Variants in SOX5 observed in about 807,000 individuals in gnomAD.
The protein encoded by SOX5 is SRY-box transcription factor 5.
A neutral mutation model predicts 92.0 loss-of-function variants in SOX5; 9 were observed. That is an observed-to-expected ratio of 0.10 (90% CI 0.06 to 0.17). The LOEUF (loss-of-function observed/expected upper bound fraction) is 0.17. SOX5 is among the 10% of genes least tolerant of loss of function. The pLI, the probability that SOX5 is intolerant of heterozygous loss-of-function variation, is 1.00. For synonymous variants in SOX5, 344 were observed against 336.3 expected (o/e 1.02, Z -0.25); for missense variants, 642 against 944.5 (o/e 0.68, Z 4.20).
At chr12:24,429,190 G>GC (rs774621845) in intron 1 of SOX5, among the ~76,000 whole-genome samples, 21 of 152,036 alleles carry the variant, frequency 1.4e-4, no homozygotes, top group Admixed American at 3.9e-4. Context: ...GGTGGCAGGC[G>GC]CCTGTAGTCC....
At chr12:24,519,359 T>C (rs1950070067) in intron 1 of SOX5, among the ~76,000 whole-genome samples, 1 of 151,788 alleles carries the variant, frequency 6.6e-6, no homozygotes, top group African/African-American at 2.4e-5. Flanking sequence ...TTCAAAATAG[T>C]AAGGGAGCAG....
chr12:24,435,660 C>T (rs1939267838), intron 1 of SOX5, among the ~76,000 whole-genome samples: 1 of 152,166 alleles, frequency 6.6e-6, no homozygotes. Flanking sequence ...AATTAAACAA[C>T]TTGACAAGTG....
rs557285391 is a variant in SOX5, at chr12:23,808,350, T to C, written c.481+37633A>G. On this transcript the variant is annotated intron_variant, in intron 3 of 14. Transcript: ENST00000451604. ...TAAGTTTTGTATATTCCCTTAGTTT[T>C]TCATGACACTCTCTTCCAATGTAAG... is the stretch of plus-strand genomic sequence containing the variant. 1.3e-3 allele frequency among the ~76,000 whole-genome samples: 198 copies of C among 152,234 alleles called. 1 individual carries two copies. Among genetic ancestry groups the C allele is most frequent in the African/African-American group, 4.6e-3 (190 of 41,544 alleles).
chr12:23,975,703 T>A (rs1948819216), intron 4 of SOX5, among the ~76,000 whole-genome samples: 2 of 152,168 alleles, frequency 1.3e-5, no homozygotes. Flanking sequence ...ATAATAATTA[T>A]ATCTGCTTGT....
chr12:24,059,453 G>T (rs191998299), intron 4 of SOX5, among the ~76,000 whole-genome samples: 4 of 152,224 alleles, frequency 2.6e-5, no homozygotes, highest in East Asian at 3.9e-4. Flanking sequence ...CCAAGGTTTG[G>T]TTTTTTTAAT....
At chr12:24,094,598 T>C (rs1945100321) in intron 4 of SOX5, among the ~76,000 whole-genome samples, 1 of 152,128 alleles carries the variant, frequency 6.6e-6, no homozygotes, top group Non-Finnish European at 1.5e-5. Context: ...TTTTTGACAG[T>C]AAGATTTTTA....
intron 4 of SOX5, among the ~76,000 whole-genome samples, chr12:24,004,586 T>C (rs1044597673): frequency 2.0e-5 from 3 of 152,088 alleles, no homozygotes; most frequent in South Asian, 2.1e-4. Context: ...ACACTCACAA[T>C]GGTGGCCATA....
Position 23,976,745 on chromosome 12 carries a change from T to C in SOX5, c.-1-80721A>G, listed in dbSNP as rs548745940. On this transcript the variant is annotated intron_variant, in intron 4 of 4. Transcript: ENST00000446891. ...CATGGAGTGTAAGGAAGAACATCAG[T>C]CCCGCTGATAACTCCCCTTTCAGTG... Among the ~76,000 whole-genome samples, 3 of 152,058 alleles carry C rather than the reference T, an allele frequency of 2.0e-5. No homozygotes were observed. In the South Asian group the frequency reaches 6.2e-4, roughly 32 times the overall value.
intron 3 of SOX5, among the ~76,000 whole-genome samples, chr12:23,828,529 T>C (rs1045351489): frequency 2.0e-5 from 3 of 152,178 alleles, no homozygotes; most frequent in African/African-American, 2.4e-5. Flanking sequence ...AAGAAAAATA[T>C]TGTGTTGTGT....
intron 1 of SOX5, among the ~76,000 whole-genome samples, chr12:24,479,893 T>C (rs569228073): frequency 1.4e-3 from 210 of 152,248 alleles, no homozygotes; most frequent in Non-Finnish European, 2.7e-3. Flanking sequence ...CTCGAACTCC[T>C]GAGCTCAAAT....
chr12:24,091,801 A>C (rs895089864), intron 4 of SOX5, among the ~76,000 whole-genome samples: 25 of 152,080 alleles, frequency 1.6e-4, no homozygotes, highest in Non-Finnish European at 3.1e-4. Flanking sequence ...TTTTGGGGTC[A>C]TCTAGCCATT....
intron 3 of SOX5, among the ~76,000 whole-genome samples, chr12:24,243,636 AAT>A (rs1937947164): frequency 6.6e-6 from 1 of 152,224 alleles, no homozygotes; most frequent in Non-Finnish European, 1.5e-5. Flanking sequence ...TGCCTTATAG[AAT>A]AGTGGTATTA....
At chr12:24,160,129 A>G (rs1952602964) in intron 4 of SOX5, among the ~76,000 whole-genome samples, 2 of 152,122 alleles carry the variant, frequency 1.3e-5, no homozygotes, top group South Asian at 2.1e-4. Context: ...TTAGGAAATC[A>G]TGAAATGATA....
At chr12:23,741,116 A>G in intron 4 of SOX5, 77 bp from the exon 5 acceptor site, 1 of 1,037,974 alleles carries the variant, frequency 9.6e-7, no homozygotes, top group Non-Finnish European at 1.3e-6. Flanking sequence ...GCTCTGTTGT[A>G]TACAGAGCCA....
intron 4 of SOX5, among the ~76,000 whole-genome samples, chr12:24,066,448 G>C (rs1460227865): frequency 3.3e-5 from 5 of 152,006 alleles, no homozygotes; most frequent in African/African-American, 1.2e-4. Context: ...TGCTCAATAA[G>C]TGTTGAAATA....
chr12:23,546,346 T>C lies in SOX5; in HGVS notation c.1567A>G (p.Met523Val). The C allele has an allele frequency of 1.3e-6, 2 of 1,599,224 alleles. No homozygotes were observed. Among genetic ancestry groups the C allele is most frequent in the Non-Finnish European group, 8.6e-7 (1 of 1,166,842 alleles). Residue 523 changes from methionine to valine, a missense_variant, in exon 12 of 15, where the codon ATG becomes GTG. By Grantham distance (21) the Met-to-Val change is conservative. Coordinates refer to ENST00000451604, the MANE Select transcript of SOX5 (RefSeq NM_006940.6). ...GAATCTCCACTCAGATTGAAATCCA[T>C]CATTGCATGGCTAAATTTTCCTTCT... The part of the protein sequence containing the change: ...NEEGKFSHAM[M>V]DFNLSGDSDG...
intron 1 of SOX5, among the ~76,000 whole-genome samples, chr12:24,442,973 G>A (rs1173853940): frequency 1.1e-5 from 1 of 91,814 alleles, no homozygotes; most frequent in Non-Finnish European, 2.1e-5. Context: ...TTTTTTTTGA[G>A]ATGGAGTCTT....
In SOX5 at chr12:23,613,867, G is replaced by A. The variant is rs2076249171; in HGVS notation, c.1018-9334C>T. On this transcript the variant is annotated intron_variant, in intron 8 of 14. Coordinates refer to ENST00000451604, the MANE Select transcript of SOX5 (RefSeq NM_006940.6). ...TGGTGGTTTTCAGGGGCTCAGGGGA[G>A]GGAGGAATTAGGAAGTTAGTGTTTA... Among the ~76,000 whole-genome samples, 5 of 152,260 alleles carry A rather than the reference G, an allele frequency of 3.3e-5. No homozygotes were observed. In the South Asian group the frequency reaches 1.0e-3, roughly 32 times the overall value.
chr12:24,301,102 G>A (rs1009914353), intron 2 of SOX5, among the ~76,000 whole-genome samples: 9 of 152,156 alleles, frequency 5.9e-5, no homozygotes, highest in African/African-American at 2.2e-4. Flanking sequence ...CTTCTGCCAC[G>A]CGGAAGACCC....
Sources: gnomAD v4.1 joint callset for allele counts (sites outside exome capture counted in the v4.1 genomes callset) on GRCh38, gnomAD v4.1.1 for gene constraint, MANE v1.5 for transcripts, NCBI Gene and HGNC (gene_info 2026-07-23, HGNC 2026-07-21) for gene names.